Variants in SLC4A8 observed in about 807,000 individuals in gnomAD.
SLC4A8 encodes solute carrier family 4 member 8, also known as electroneutral sodium bicarbonate exchanger 1.
Under a neutral mutation model 125.0 loss-of-function variants are expected in SLC4A8, and 40 were observed. The observed-to-expected ratio is 0.32, with a 90% CI of 0.25 to 0.42. The LOEUF is 0.42. SLC4A8 is among the 10% of genes least tolerant of loss of function. The pLI, the probability that SLC4A8 is intolerant of heterozygous loss-of-function variation, is 1.00. For synonymous variants in SLC4A8, 456 were observed against 476.0 expected, an observed-to-expected ratio of 0.96 and a Z score of 0.55; for missense variants, 863 against 1,355.1, an observed-to-expected ratio of 0.64 and a Z score of 5.70.
chr12:51,432,079 G>T (rs1434035035), intron 1 of SLC4A8, among the ~76,000 whole-genome samples: 5 of 152,144 alleles, frequency 3.3e-5, no homozygotes, highest in Non-Finnish European at 5.9e-5. Context: ...ACAATGTGAG[G>T]TATATAAGTG....
intron 16 of SLC4A8, among the ~76,000 whole-genome samples, chr12:51,483,251 T>C (rs961234415): frequency 1.3e-5 from 2 of 152,020 alleles, no homozygotes; most frequent in African/African-American, 4.8e-5. Context: ...CAGTTGTTGT[T>C]TAAACTACAT....
At chr12:51,401,565 T>C (rs1327311497) in intron 1 of SLC4A8, among the ~76,000 whole-genome samples, 1 of 152,162 alleles carries the variant, frequency 6.6e-6, no homozygotes, top group Non-Finnish European at 1.5e-5. Context: ...TTCCTCTCGA[T>C]GTCCAGCTGC....
At chr12:51,440,670 A>G (rs1021868686) in intron 1 of SLC4A8, 38 bp from the exon 2 acceptor site, 3 of 1,485,382 alleles carry the variant, frequency 2.0e-6, no homozygotes, top group Admixed American at 3.6e-5. Context: ...TGAACGAGGT[A>G]TGTGTATTAC....
At chr12:51,495,545 G>A (rs180868524) in intron 21 of SLC4A8, among the ~76,000 whole-genome samples, 4 of 133,382 alleles carry the variant, frequency 3.0e-5, no homozygotes, top group Non-Finnish European at 1.5e-5. Flanking sequence ...GCATGATCTC[G>A]GCTCACTGTG....
chr12:51,475,688 T>G (rs1240059560), intron 16 of SLC4A8, among the ~76,000 whole-genome samples: 1 of 152,218 alleles, frequency 6.6e-6, no homozygotes, highest in Non-Finnish European at 1.5e-5. Context: ...TGACTTAGTT[T>G]GTATGACTGT....
chr12:51,408,024 A>G (rs1264165098), intron 1 of SLC4A8: 1 of 152,242 alleles, frequency 6.6e-6, no homozygotes, highest in Admixed American at 6.5e-5. Context: ...TCCCTGTCGC[A>G]CTGTGTCTTC....
chr12:51,492,856 A>G (rs1416585692), intron 19 of SLC4A8, among the ~76,000 whole-genome samples: 3 of 148,530 alleles, frequency 2.0e-5, no homozygotes, highest in Non-Finnish European at 3.0e-5. Context: ...CCACCCCCCA[A>G]CAGGCCCTGG....
chr12:51,454,307 A>G (rs1322386990), intron 5 of SLC4A8, among the ~76,000 whole-genome samples: 1 of 152,120 alleles, frequency 6.6e-6, no homozygotes, highest in African/African-American at 2.4e-5. Context: ...GGTTGCCCCT[A>G]CACACCTGTG....
intron 10 of SLC4A8, chr12:51,462,993 GA>G (rs1440354303): frequency 1.3e-5 from 2 of 152,574 alleles, no homozygotes; most frequent in Non-Finnish European, 2.9e-5. Flanking sequence ...AATTTTGAAG[GA>G]ATAATGTGAA....
intron 11 of SLC4A8, among the ~76,000 whole-genome samples, chr12:51,467,004 C>G (rs893247586): frequency 6.6e-6 from 1 of 151,716 alleles, no homozygotes; most frequent in Admixed American, 6.6e-5. Context: ...CACTATTATG[C>G]AGGGATATTT....
At position 51,497,010 on chromosome 12, in the gene SLC4A8, G is replaced by A. The variant is rs763777461; in HGVS notation, c.2967G>A (p.Arg989=). 1.2e-6 allele frequency: 2 copies of A among 1,613,918 alleles called. No homozygotes were observed. Among genetic ancestry groups the A allele is most frequent in the Non-Finnish European group, 1.7e-6 (2 of 1,179,972 alleles). Residue 989 remains arginine (R), a synonymous_variant, in exon 22 of 25, where the codon AGG becomes AGA. Transcript: ENST00000453097. The stretch of plus-strand genomic sequence containing the variant: ...AGGTTTTGGCCTTGGTCTTTGTCAG[G>A]AAAGTCATGGATCTCTGTTTCTCTA... ...PMMVLALVFV[R]KVMDLCFSKR...
At position 51,458,558 on chromosome 12, in the gene SLC4A8, G is replaced by C; in HGVS notation, c.764-1G>C. On this transcript the variant is annotated splice_acceptor_variant, in intron 6 of 24. Transcript: ENST00000453097. LOFTEE classifies it high-confidence loss of function. Reference sequence around the variant, plus strand: ...GATTTTGTTTTATTTTCTCCAAATAGGTCAAACCGTGTCTCCTCAGTCTGT... The same window carrying C: ...GATTTTGTTTTATTTTCTCCAAATACGTCAAACCGTGTCTCCTCAGTCTGT... The C allele has an allele frequency of 6.2e-7, 1 of 1,610,502 alleles. No homozygotes were observed.
chr12:51,513,071 A>C lies in SLC4A8; in HGVS notation c.*5633A>C, dbSNP rs1280876300. ...TAGGAAGGGAGGGAGGCCAGAGATT[A>C]GATAAAATGATGGTGGGTGGGATCT... is the stretch of plus-strand genomic sequence containing the variant. On this transcript the variant is annotated 3_prime_UTR_variant, in exon 25 of 25. Transcript: ENST00000453097. 3 of 152,236 alleles carry C rather than the reference A, an allele frequency of 2.0e-5. No individual in the cohort carries two copies. The highest frequency in any genetic ancestry group is 4.4e-5 in the Non-Finnish European group (3 of 68,044). The allele number at this position is 152,236 out of a possible 1,614,324, so 9.4% of individuals were successfully genotyped here. A position where few individuals can be genotyped will look rare whatever the true frequency, so the allele number is the denominator to read the frequency against.
At position 51,511,797 on chromosome 12, in the gene SLC4A8, T is replaced by G. The variant is rs1349222283; in HGVS notation, c.*4359T>G. On this transcript the variant is annotated 3_prime_UTR_variant, in exon 25 of 25. Coordinates refer to ENST00000453097, the MANE Select transcript of SLC4A8 (RefSeq NM_001039960.3). ...TGGTTGTCCAGATCCTCCAACTTTT[T>G]CAGGCAGTATTCCAATCAGGGTTTT... The G allele has an allele frequency of 6.6e-6, 1 of 152,214 alleles. No homozygotes were observed. Among genetic ancestry groups the G allele is most frequent in the African/African-American group, 2.4e-5 (1 of 41,456 alleles). The allele number at this position is 152,214 out of a possible 1,614,324, so 9.4% of individuals were successfully genotyped here.
chr12:51,503,502 T>G (rs1045615665), intron 22 of SLC4A8, among the ~76,000 whole-genome samples: 4 of 152,238 alleles, frequency 2.6e-5, no homozygotes, highest in Non-Finnish European at 5.9e-5. Context: ...TGAGCCACCA[T>G]GCCCGGCCTA....
chr12:51,401,216 C>T lies in SLC4A8; in HGVS notation c.-112+9728C>T, dbSNP rs145376855. ...CTACCGTGTGCTCTTTTAATTTTGC[C>T]GTCTGTAGGCGGCTGTGCTAACCAG... On this transcript the variant is annotated intron_variant, in intron 1 of 24. Coordinates refer to the SLC4A8 transcript ENST00000358657. Among the ~76,000 whole-genome samples, 408 of 152,244 alleles carry T rather than the reference C, an allele frequency of 2.7e-3. 1 individual carries two copies. Among genetic ancestry groups the T allele is most frequent in the African/African-American group, 9.4e-3 (390 of 41,540 alleles).
rs200983907 is a variant in SLC4A8 at position 51,425,044 on chromosome 12, CCGCCTCCCG to C, written c.48+20_48+28del. On this transcript the variant is annotated intron_variant, in intron 1 of 24. Coordinates refer to ENST00000453097, the MANE Select transcript of SLC4A8 (RefSeq NM_001039960.3). ...GCGTCCTCAGCTATCAGGTAGGGCC[CCGCCTCCCG>C]CGCCTCCCGCTCCTCCCCGGGGCGC... is the stretch of plus-strand genomic sequence containing the variant. The C allele has an allele frequency of 1.1e-3, 1,739 of 1,552,636 alleles. 13 individuals are homozygous for C. The East Asian group carries it at 0.014, about 13-fold the overall frequency.
intron 2 of SLC4A8, among the ~76,000 whole-genome samples, chr12:51,441,366 G>C (rs930987021): frequency 6.6e-6 from 1 of 152,146 alleles, no homozygotes; most frequent in Admixed American, 6.5e-5. Context: ...GGAAAGAAGA[G>C]GCATTTTGGA....
chr12:51,416,402 G>A (rs777127715), intron 1 of SLC4A8, among the ~76,000 whole-genome samples: 5 of 152,128 alleles, frequency 3.3e-5, no homozygotes, highest in Non-Finnish European at 7.4e-5. Context: ...CAGCACTTTG[G>A]GAGGACGTGA....
Sources: gnomAD v4.1 joint callset for allele counts (sites outside exome capture counted in the v4.1 genomes callset) on GRCh38, gnomAD v4.1.1 for gene constraint, MANE v1.5 for transcripts, NCBI Gene and HGNC (gene_info 2026-07-23, HGNC 2026-07-21) for gene names.